TMEM135: variants seen among roughly 807,000 people sequenced by gnomAD.
The protein encoded by TMEM135 is peroxisomal membrane protein 52.
Under a neutral mutation model 60.3 loss-of-function variants are expected in TMEM135, and 30 were observed. The observed-to-expected ratio is 0.50, with a 90% CI of 0.37 to 0.68. The LOEUF is 0.68. Ranked by LOEUF, TMEM135 falls within the 30% of genes least tolerant of loss-of-function variation. The pLI, the probability that TMEM135 is intolerant of heterozygous loss-of-function variation, is 0.00. For missense variants in TMEM135, 468 were observed against 548.8 expected (o/e 0.85, Z 1.47); for synonymous variants, 190 against 186.7 (o/e 1.02, Z -0.14).
At chr11:87,268,920 GTCTT>G (rs1373442174) in intron 6 of TMEM135, among the ~76,000 whole-genome samples, 1 of 152,034 alleles carries the variant, frequency 6.6e-6, no homozygotes, top group Admixed American at 6.6e-5. Context: ...GCCTATCCTA[GTCTT>G]TCTTAAATAG....
At position 87,325,027 on chromosome 11, in the gene TMEM135, C is replaced by G. The variant is rs1942891705; in HGVS notation, c.*3694C>G. 2.2e-6 allele frequency: 1 copy of G among 453,972 alleles called. No homozygotes were observed. Among genetic ancestry groups the G allele is most frequent in the Non-Finnish European group, 4.4e-6 (1 of 226,756 alleles). 28.1% of individuals were successfully genotyped at this position (453,972 alleles called of 1,614,324 possible). ...GTGGAGGTGATGTTTACAATTGCCT[C>G]CAGCCCTTTACTATTGGTGCTGAAG... On this transcript the variant is annotated 3_prime_UTR_variant, in exon 15 of 15. Transcript: ENST00000305494.
intron 5 of TMEM135, among the ~76,000 whole-genome samples, chr11:87,200,110 A>G (rs1159659180): frequency 6.6e-6 from 1 of 152,214 alleles, no homozygotes; most frequent in Non-Finnish European, 1.5e-5. Flanking sequence ...AATTATAATT[A>G]TTAGTAATTT....
At chr11:87,094,387 C>T (rs1244464441) in intron 4 of TMEM135, among the ~76,000 whole-genome samples, 1 of 152,176 alleles carries the variant, frequency 6.6e-6, no homozygotes, top group African/African-American at 2.4e-5. Context: ...ATATATTTCT[C>T]ATTTTGTTAT....
In TMEM135 at chr11:87,245,765, TC is replaced by T. The variant is rs574935193; in HGVS notation, c.509+9083del. ...TGTGTCTGTGCACTTGAGATGGGTT[TC>T]CTGAGTACAGCACACTGATGGGTCT... On this transcript the variant is annotated intron_variant, in intron 6 of 14. Transcript: ENST00000305494. 7.8e-5 allele frequency among the ~76,000 whole-genome samples: 9 copies of T among 114,824 alleles called. 1 individual carries two copies. Among genetic ancestry groups the T allele is most frequent in the Non-Finnish European group, 1.5e-4 (8 of 52,466 alleles). The allele number at this position is 114,824 out of a possible 152,430, so 75.3% of individuals were successfully genotyped here.
intron 3 of TMEM135, among the ~76,000 whole-genome samples, chr11:87,090,878 A>G (rs1047657394): frequency 6.6e-6 from 1 of 152,104 alleles, no homozygotes; most frequent in African/African-American, 2.4e-5. Context: ...GTGATTTAGT[A>G]TGATTTGTAA....
At chr11:87,237,042 A>G (rs191312667) in intron 6 of TMEM135, among the ~76,000 whole-genome samples, 2 of 152,056 alleles carry the variant, frequency 1.3e-5, no homozygotes, top group East Asian at 3.9e-4. Context: ...AAAACAATCA[A>G]CATTTTACAT....
chr11:87,261,775 C>T (rs1402504813), intron 6 of TMEM135, among the ~76,000 whole-genome samples: 2 of 151,984 alleles, frequency 1.3e-5, no homozygotes, highest in African/African-American at 2.4e-5. Context: ...GTGTGCACCA[C>T]CACTCCTGTC....
chr11:87,181,643 T>G (rs1014415046), intron 5 of TMEM135, among the ~76,000 whole-genome samples: 4 of 152,150 alleles, frequency 2.6e-5, no homozygotes, highest in Non-Finnish European at 5.9e-5. Flanking sequence ...ATGAAACTGT[T>G]CGGCATAGTG....
intron 5 of TMEM135, among the ~76,000 whole-genome samples, chr11:87,235,459 G>T (rs1196115261): frequency 6.6e-6 from 1 of 151,860 alleles, no homozygotes; most frequent in Non-Finnish European, 1.5e-5. Flanking sequence ...TATGTATAAT[G>T]CTTATCTTAG....
intron 5 of TMEM135, among the ~76,000 whole-genome samples, chr11:87,198,447 C>G (rs1940009817): frequency 6.6e-6 from 1 of 152,066 alleles, no homozygotes; most frequent in African/African-American, 2.4e-5. Context: ...AGGGTACTTC[C>G]TGAGCTGAAA....
At chr11:87,304,847 G>A (rs1942512911) in intron 8 of TMEM135, among the ~76,000 whole-genome samples, 1 of 152,168 alleles carries the variant, frequency 6.6e-6, no homozygotes, top group South Asian at 2.1e-4. Flanking sequence ...TTTGGAACAT[G>A]AACCCTCAAA....
chr11:87,297,209 C>A (rs909195791), intron 7 of TMEM135, among the ~76,000 whole-genome samples: 1 of 152,132 alleles, frequency 6.6e-6, no homozygotes, highest in African/African-American at 2.4e-5. Flanking sequence ...TATTTTCCTT[C>A]TTTCTCTTCC....
rs1237469122 is a variant in TMEM135, at chr11:87,302,341, A to G, written c.597A>G (p.Pro199=). The G allele has an allele frequency of 2.5e-6, 4 of 1,613,752 alleles. No homozygotes were observed. The highest frequency in any genetic ancestry group is 1.6e-4 in the Middle Eastern group (1 of 6,078). The part of the protein sequence containing the change: ...KEEIPTHSFS[P]EAAYAKVEQK... Reference sequence around the variant, plus strand: ...AAATTCCCACACATTCTTTTTCACCAGAGGCAGCATATGCAAAAGTGGAAC... The same window carrying G: ...AAATTCCCACACATTCTTTTTCACCGGAGGCAGCATATGCAAAAGTGGAAC... The change falls in exon 8 of 15, where the codon CCA becomes CCG. Residue 199 remains proline (P), a synonymous_variant. Coordinates refer to ENST00000305494, the MANE Select transcript of TMEM135 (RefSeq NM_022918.4).
intron 5 of TMEM135, among the ~76,000 whole-genome samples, chr11:87,208,808 G>T (rs1330793199): frequency 2.6e-5 from 4 of 152,138 alleles, no homozygotes; most frequent in Non-Finnish European, 5.9e-5. Flanking sequence ...CTTAAAGGCT[G>T]CTAGAGACAA....
At chr11:87,129,156 C>G (rs1479120148) in intron 4 of TMEM135, among the ~76,000 whole-genome samples, 1 of 149,338 alleles carries the variant, frequency 6.7e-6, no homozygotes, top group Non-Finnish European at 1.5e-5. Flanking sequence ...AAAGGAGCAG[C>G]AAGGTTGGTA....
intron 5 of TMEM135, among the ~76,000 whole-genome samples, chr11:87,216,943 A>T (rs1310727825): frequency 6.6e-6 from 1 of 152,218 alleles, no homozygotes; most frequent in Non-Finnish European, 1.5e-5. Flanking sequence ...TAAGTAGTGT[A>T]TGTAATAAAA....
At chr11:87,060,667 G>A (rs972397785) in intron 1 of TMEM135, among the ~76,000 whole-genome samples, 1 of 150,198 alleles carries the variant, frequency 6.7e-6, no homozygotes, top group Non-Finnish European at 1.5e-5. Flanking sequence ...TTTTGAGACG[G>A]AGTCTCGCTC....
At chr11:87,058,095 T>C (rs1456441412) in intron 1 of TMEM135, among the ~76,000 whole-genome samples, 1 of 152,082 alleles carries the variant, frequency 6.6e-6, no homozygotes, top group Non-Finnish European at 1.5e-5. Context: ...GTTGTTTTGT[T>C]CTCTTCAGGT....
intron 7 of TMEM135, among the ~76,000 whole-genome samples, chr11:87,301,466 C>G (rs761695932): frequency 4.6e-5 from 7 of 152,098 alleles, no homozygotes; most frequent in Non-Finnish European, 7.3e-5. Flanking sequence ...GGTGACCAGG[C>G]TGTTCTTGAA....
Sources: gnomAD v4.1 joint callset for allele counts (sites outside exome capture counted in the v4.1 genomes callset) on GRCh38, gnomAD v4.1.1 for gene constraint, MANE v1.5 for transcripts, NCBI Gene and HGNC (gene_info 2026-07-23, HGNC 2026-07-21) for gene names.